The following IMPA1 variants were observed in gnomAD, a reference collection of about 807,000 sequenced individuals.
The protein encoded by IMPA1 is inositol monophosphatase 1.
In IMPA1, 21 loss-of-function variants were observed where a neutral mutation model predicts 34.9. The ratio of observed to expected loss-of-function variants is 0.60; its 90% CI spans 0.43 to 0.87. The LOEUF is 0.87. IMPA1 is among the 40% of genes least tolerant of loss of function. The probability of loss-of-function intolerance (pLI) is 0.00; values close to 1 mark genes in which losing one functional copy is unlikely to be tolerated. For synonymous variants in IMPA1, 95 were observed against 104.4 expected (o/e 0.91, Z 0.55); for missense variants, 299 against 336.4 (o/e 0.89, Z 0.87).
intron 6 of IMPA1, among the ~76,000 whole-genome samples, chr8:81,671,719 AACCCCATCTCT>A (rs1180002095): frequency 6.6e-6 from 1 of 152,010 alleles, no homozygotes; most frequent in African/African-American, 2.4e-5. Context: ...AACATGGTGA[AACCCCATCTCT>A]ACTAAAAATA....
intron 7 of IMPA1, among the ~76,000 whole-genome samples, chr8:81,663,323 T>G (rs1806730280): frequency 6.6e-6 from 1 of 152,234 alleles, no homozygotes; most frequent in African/African-American, 2.4e-5. Flanking sequence ...CTGTAGCTAT[T>G]GACAGAGGCT....
chr8:81,683,607 T>C (rs577242974), intron 1 of IMPA1, among the ~76,000 whole-genome samples: 3 of 152,132 alleles, frequency 2.0e-5, no homozygotes, highest in South Asian at 2.1e-4. Context: ...GTTTGGGATA[T>C]AGGTAGGAGT....
At chr8:81,684,360 T>C (rs965568556) in intron 1 of IMPA1, among the ~76,000 whole-genome samples, 23 of 143,712 alleles carry the variant, frequency 1.6e-4, no homozygotes, top group African/African-American at 4.6e-4. Flanking sequence ...ATACCATACA[T>C]AAGTATATTT....
rs1806584499 is a variant in IMPA1, at chr8:81,658,772, G to A, written c.*579C>T. 6.6e-6 allele frequency: 1 copy of A among 152,524 alleles called. No homozygotes were observed. 9.4% of individuals were successfully genotyped at this position (152,524 alleles called of 1,614,324 possible). ...GAGTTCATTACTTTATGTATCTATT[G>A]TAACTAGGAATTACTACATTAAAAA... On this transcript the variant is annotated 3_prime_UTR_variant, in exon 9 of 9. Coordinates refer to ENST00000256108, the MANE Select transcript of IMPA1 (RefSeq NM_005536.4).
At chr8:81,665,699 GA>G (rs963095082) in intron 7 of IMPA1, among the ~76,000 whole-genome samples, 2 of 151,238 alleles carry the variant, frequency 1.3e-5, no homozygotes, top group East Asian at 3.9e-4. Context: ...AAATTCAGGG[GA>G]AAAAAAACAG....
chr8:81,684,811 G>A (rs1488920280), intron 1 of IMPA1, among the ~76,000 whole-genome samples: 1 of 137,288 alleles, frequency 7.3e-6, no homozygotes, highest in Non-Finnish European at 1.5e-5. Context: ...GATACTATGT[G>A]GAGTATATAT....
intron 3 of IMPA1, 63 bp downstream of exon 3, chr8:81,680,585 CAT>C: frequency 8.1e-7 from 1 of 1,241,396 alleles, no homozygotes; most frequent in Non-Finnish European, 1.2e-6. Flanking sequence ...AAGCTACTCT[CAT>C]ATGCAGAACC....
intron 7 of IMPA1, among the ~76,000 whole-genome samples, chr8:81,669,104 G>C (rs1216137336): frequency 6.6e-6 from 1 of 152,196 alleles, no homozygotes; most frequent in Non-Finnish European, 1.5e-5. Flanking sequence ...GGGAGCCAGG[G>C]AACAGACTTG....
At position 81,686,286 on chromosome 8, in the gene IMPA1, C is replaced by T. The variant is rs1043477272; in HGVS notation, c.-59G>A. ...GAGGACGTCCGGCTAGCTCTGTGAA[C>T]GGTGTTACCGCACTCGTCTCTTCCG... is the stretch of plus-strand genomic sequence containing the variant. On this transcript the variant is annotated 5_prime_UTR_variant, in exon 1 of 9. Coordinates refer to ENST00000256108, the MANE Select transcript of IMPA1 (RefSeq NM_005536.4). 9 of 992,572 alleles carry T rather than the reference C, an allele frequency of 9.1e-6. No individual in the cohort carries two copies. The highest frequency in any genetic ancestry group is 7.0e-5 in the African/African-American group (4 of 57,504). The allele number at this position is 992,572 out of a possible 1,614,324, so 61.5% of individuals were successfully genotyped here. A position where few individuals can be genotyped will look rare whatever the true frequency, so the allele number is the denominator to read the frequency against.
chr8:81,679,600 GA>G (rs1807232244), intron 3 of IMPA1, among the ~76,000 whole-genome samples: 1 of 143,870 alleles, frequency 7.0e-6, no homozygotes, highest in African/African-American at 2.6e-5. Flanking sequence ...GTAACTGAGA[GA>G]GACTCTGTCT....
Position 81,659,420 on chromosome 8 carries a change from A to C in IMPA1, c.765T>G (p.Asn255Lys). The C allele has an allele frequency of 6.2e-7, 1 of 1,612,362 alleles. No homozygotes were observed. The highest frequency in any genetic ancestry group is 8.5e-7 in the Non-Finnish European group (1 of 1,178,662). The change falls in exon 9 of 9, where the codon AAT (asparagine) becomes AAG (lysine). Residue 255 changes from asparagine to lysine, a missense_variant. Physicochemically the swap from Asn to Lys is moderately conservative, Grantham distance 94. Coordinates refer to ENST00000256108, the MANE Select transcript of IMPA1 (RefSeq NM_005536.4). The part of the protein sequence containing the change: ...LMSRRVIAAN[N>K]RILAERIAKE... ...TAGCTATCCTTTCTGCTAATATTCT[A>C]TTATTTGCAGCAATTACTCTTCGTG... is the stretch of plus-strand genomic sequence containing the variant.
At chr8:81,683,574 G>A (rs775101750) in intron 1 of IMPA1, among the ~76,000 whole-genome samples, 10 of 152,124 alleles carry the variant, frequency 6.6e-5, no homozygotes, top group Non-Finnish European at 8.8e-5. Flanking sequence ...TACTGAAACA[G>A]GGAGCAACAA....
chr8:81,674,883 C>T (rs1336001145), intron 5 of IMPA1: 14 of 447,116 alleles, frequency 3.1e-5, no homozygotes, highest in African/African-American at 1.4e-4. Flanking sequence ...GATCACCTCC[C>T]ATTCCTTCCC....
chr8:81,666,676 C>G (rs958055641), intron 7 of IMPA1, among the ~76,000 whole-genome samples: 3 of 151,968 alleles, frequency 2.0e-5, no homozygotes, highest in Admixed American at 6.6e-5. Flanking sequence ...GAGTTCCAGA[C>G]CAGCCTGGCC....
intron 1 of IMPA1, chr8:81,686,014 C>A: frequency 7.2e-7 from 1 of 1,385,770 alleles, no homozygotes; most frequent in Admixed American, 2.6e-5. Context: ...CAGAAGCCGC[C>A]ACAGAGGTTA....
At chr8:81,676,402 C>T (rs1211140577) in intron 4 of IMPA1, 123 bp from the exon 5 acceptor site, 14 of 475,664 alleles carry the variant, frequency 2.9e-5, no homozygotes, top group Non-Finnish European at 4.9e-5. Context: ...ATCTCCACTC[C>T]CCACAAAATC....
chr8:81,667,827 T>A (rs1585892592), intron 7 of IMPA1, among the ~76,000 whole-genome samples: 1 of 140,838 alleles, frequency 7.1e-6, no homozygotes, highest in Non-Finnish European at 1.6e-5. Flanking sequence ...TAAGGGTTTC[T>A]TTTTTTTTTT....
chr8:81,665,200 A>T (rs1806787328), intron 7 of IMPA1, among the ~76,000 whole-genome samples: 2 of 152,236 alleles, frequency 1.3e-5, no homozygotes, highest in South Asian at 4.1e-4. Flanking sequence ...AATAAAATGA[A>T]TATCAATCGA....
Position 81,671,525 on chromosome 8 carries a change from C to T in IMPA1, c.458-478G>A, listed in dbSNP as rs1806988279. On this transcript the variant is annotated intron_variant, in intron 6 of 8. Transcript: ENST00000256108. ...CACCCAACACCCTAGATCTCACCTC[C>T]TCCCACCAATGGAGATGTATGTTCA... Among the ~76,000 whole-genome samples the T allele has an allele frequency of 3.9e-5, 6 of 152,164 alleles. No homozygotes were observed. The South Asian group carries it at 1.2e-3, about 32-fold the overall frequency.
Sources: gnomAD v4.1 joint callset for allele counts (sites outside exome capture counted in the v4.1 genomes callset) on GRCh38, gnomAD v4.1.1 for gene constraint, MANE v1.5 for transcripts, NCBI Gene and HGNC (gene_info 2026-07-23, HGNC 2026-07-21) for gene names.